The following CNBD1 variants were observed in gnomAD, a reference collection of about 807,000 sequenced individuals.
CNBD1 encodes cyclic nucleotide-binding domain-containing protein 1.
CNBD1 carries 71 observed loss-of-function variants against 54.4 expected under a neutral mutation model. The observed-to-expected ratio is 1.30, with a 90% CI of 1.08 to 1.59. CNBD1 has a LOEUF of 1.59. CNBD1 is among the 40% of genes most tolerant of loss of function. The pLI, the probability that CNBD1 is intolerant of heterozygous loss-of-function variation, is 0.00. For synonymous variants in CNBD1, 182 were observed against 170.7 expected, an observed-to-expected ratio of 1.07 and a Z score of -0.51; for missense variants, 659 against 518.0, an observed-to-expected ratio of 1.27 and a Z score of -2.64.
intron 8 of CNBD1, among the ~76,000 whole-genome samples, chr8:87,340,831 C>T (rs768130691): frequency 5.3e-5 from 8 of 151,846 alleles, no homozygotes; most frequent in Non-Finnish European, 5.9e-5. Flanking sequence ...TCTTAGCTTG[C>T]TTATGATTAT....
intron 5 of CNBD1, among the ~76,000 whole-genome samples, chr8:87,229,410 G>T (rs757957954): frequency 2.6e-5 from 4 of 152,040 alleles, no homozygotes; most frequent in Non-Finnish European, 5.9e-5. Context: ...TATTTAGCTT[G>T]CATTATTAAC....
At chr8:87,086,439 T>C (rs752656850) in intron 4 of CNBD1, among the ~76,000 whole-genome samples, 9 of 152,342 alleles carry the variant, frequency 5.9e-5, no homozygotes, top group Admixed American at 2.6e-4. Context: ...AGGCATTCTT[T>C]CCAGCTTTTT....
chr8:87,376,401 A>T, intron 10 of CNBD1, among the ~76,000 whole-genome samples: 1 of 151,996 alleles, frequency 6.6e-6, no homozygotes, highest in South Asian at 2.1e-4. Flanking sequence ...ATTACTTGCC[A>T]GAAGAAACCT....
At chr8:87,395,759 G>A (rs891840118) in intron 2 of CNBD1, among the ~76,000 whole-genome samples, 1 of 151,806 alleles carries the variant, frequency 6.6e-6, no homozygotes, top group Non-Finnish European at 1.5e-5. Context: ...ATCTTGAATT[G>A]CAGTTCCCCT....
Position 86,936,279 on chromosome 8 carries a change from A to C in CNBD1, c.273-3317A>C, listed in dbSNP as rs1351124971. ...CTTATTACTAAAGAAAAAGGGAAAAAATTTTTCTATGCAACCACAGTGATC... is the reference window on the plus strand; with the variant it reads ...CTTATTACTAAAGAAAAAGGGAAAACATTTTTCTATGCAACCACAGTGATC... On this transcript the variant is annotated intron_variant, in intron 3 of 10. Coordinates refer to ENST00000518476, the MANE Select transcript of CNBD1 (RefSeq NM_173538.3). Among the ~76,000 whole-genome samples, 7 of 152,164 alleles carry C rather than the reference A, an allele frequency of 4.6e-5. No individual in the cohort carries two copies. The South Asian group carries it at 8.3e-4, about 18-fold the overall frequency.
At chr8:87,276,702 C>T (rs528656108) in intron 6 of CNBD1, among the ~76,000 whole-genome samples, 1 of 151,882 alleles carries the variant, frequency 6.6e-6, no homozygotes, top group East Asian at 1.9e-4. Context: ...TTTTGAAGAG[C>T]AATCAAGGGA....
intron 8 of CNBD1, among the ~76,000 whole-genome samples, chr8:87,339,943 T>C (rs1458395459): frequency 6.6e-6 from 1 of 152,216 alleles, no homozygotes; most frequent in Non-Finnish European, 1.5e-5. Context: ...AGTATTACAG[T>C]ATTCTATTTT....
chr8:87,206,283 A>T (rs1813974424), intron 5 of CNBD1, 145 bp downstream of exon 5: 3 of 601,714 alleles, frequency 5.0e-6, no homozygotes, highest in Non-Finnish European at 7.9e-6. Context: ...TTCATTTGTA[A>T]GTTTATAAGT....
At position 87,394,083 on chromosome 8, in the gene CNBD1, G is replaced by A. The variant is rs558903253; in HGVS notation, c.214-34463G>A. 3.3e-5 allele frequency among the ~76,000 whole-genome samples: 5 copies of A among 151,876 alleles called. No homozygotes were observed. The South Asian group carries it at 1.0e-3, about 32-fold the overall frequency. ...TAAAAGGTACATGCTTATTTCTATG[G>A]ACATGATCACAGGCTATATTTTGCC... On this transcript the variant is annotated intron_variant, in intron 2 of 7. Coordinates refer to the CNBD1 transcript ENST00000521593.
At chr8:87,087,727 A>G (rs1811131763) in intron 4 of CNBD1, among the ~76,000 whole-genome samples, 1 of 152,032 alleles carries the variant, frequency 6.6e-6, no homozygotes, top group Non-Finnish European at 1.5e-5. Flanking sequence ...CGGCCTCCCA[A>G]AGTGCTGGGA....
intron 4 of CNBD1, among the ~76,000 whole-genome samples, chr8:87,089,846 C>T (rs1811172019): frequency 6.6e-6 from 1 of 151,888 alleles, no homozygotes; most frequent in African/African-American, 2.4e-5. Context: ...AAATGTCTTT[C>T]ATTAGTAACA....
At chr8:87,117,398 CAAAA>C (rs57622902) in intron 4 of CNBD1, among the ~76,000 whole-genome samples, 1 of 107,238 alleles carries the variant, frequency 9.3e-6, no homozygotes. Flanking sequence ...GATTCCGTCT[CAAAA>C]AAAAAAAAAA....
chr8:87,265,576 G>T (rs1808237414), intron 6 of CNBD1, among the ~76,000 whole-genome samples: 1 of 152,052 alleles, frequency 6.6e-6, no homozygotes, highest in Admixed American at 6.6e-5. Flanking sequence ...TAAATAATAG[G>T]AATTATCTGG....
At chr8:87,356,855 C>A (rs919603427) in intron 10 of CNBD1, among the ~76,000 whole-genome samples, 34 of 152,208 alleles carry the variant, frequency 2.2e-4, no homozygotes, top group South Asian at 4.1e-4. Context: ...GAAGACAGCT[C>A]CTCCCATCAC....
In CNBD1 at chr8:86,866,634, G is replaced by A. The variant is rs1017864963; in HGVS notation, c.88+51G>A. The A allele has an allele frequency of 1.9e-5, 26 of 1,375,956 alleles. 1 individual carries two copies. The highest frequency in any genetic ancestry group is 9.6e-5 in the Admixed American group (5 of 52,114). 85.2% of individuals were successfully genotyped at this position (1,375,956 alleles called of 1,614,324 possible). ...TTATTCACCTACCATTGTTTTCAGC[G>A]GTTCTTACCCCAGCTATGAAAATTG... On this transcript the variant is annotated intron_variant, in intron 1 of 10. Transcript: ENST00000518476.
At chr8:87,203,529 G>A (rs1051869899) in intron 4 of CNBD1, among the ~76,000 whole-genome samples, 1 of 152,138 alleles carries the variant, frequency 6.6e-6, no homozygotes, top group Non-Finnish European at 1.5e-5. Flanking sequence ...ATGCATTCTA[G>A]CTGTGTAACT....
At chr8:86,967,213 G>C (rs1181366827) in intron 4 of CNBD1, among the ~76,000 whole-genome samples, 1 of 152,186 alleles carries the variant, frequency 6.6e-6, no homozygotes, top group Non-Finnish European at 1.5e-5. Flanking sequence ...AAGGGTATAA[G>C]CTGCAGAGAC....
intron 4 of CNBD1, among the ~76,000 whole-genome samples, chr8:86,965,740 G>A (rs1435058935): frequency 1.3e-5 from 2 of 152,150 alleles, no homozygotes; most frequent in African/African-American, 4.8e-5. Flanking sequence ...CAGGAAGAAA[G>A]AGGTATGAAG....
At chr8:86,965,920 C>G (rs914276158) in intron 4 of CNBD1, among the ~76,000 whole-genome samples, 1 of 152,086 alleles carries the variant, frequency 6.6e-6, no homozygotes, top group Non-Finnish European at 1.5e-5. Flanking sequence ...GTGGTCATCC[C>G]ATTGTCTCCA....
Sources: gnomAD v4.1 joint callset for allele counts (sites outside exome capture counted in the v4.1 genomes callset) on GRCh38, gnomAD v4.1.1 for gene constraint, MANE v1.5 for transcripts, NCBI Gene and HGNC (gene_info 2026-07-23, HGNC 2026-07-21) for gene names.